The following VPS26B variants were observed in gnomAD, a reference collection of about 807,000 sequenced individuals.
VPS26B encodes the protein vacuolar protein sorting-associated protein 26B.
In VPS26B, 10 loss-of-function variants were observed where a neutral mutation model predicts 33.3. The ratio of observed to expected loss-of-function variants is 0.30; its 90% CI spans 0.19 to 0.51. VPS26B has a LOEUF of 0.51. Ranked by LOEUF, VPS26B falls within the 20% of genes least tolerant of loss-of-function variation. VPS26B has a pLI of 0.98. For synonymous variants in VPS26B, 190 were observed against 176.9 expected (o/e 1.07, Z -0.59); for missense variants, 317 against 452.7 (o/e 0.70, Z 2.72).
chr11:134,227,976 A>G lies in VPS26B; in HGVS notation c.223+2631A>G, dbSNP rs77782168. On this transcript the variant is annotated intron_variant, in intron 1 of 5. Coordinates refer to ENST00000281187, the MANE Select transcript of VPS26B (RefSeq NM_052875.5). Reference sequence around the variant, plus strand: ...GCCTTAAATTTCTTACTTTGGCCACATGGGCCAGTCTCAGTTGGTGTTGTA... The same window carrying G: ...GCCTTAAATTTCTTACTTTGGCCACGTGGGCCAGTCTCAGTTGGTGTTGTA... Among the ~76,000 whole-genome samples the G allele has an allele frequency of 6.7e-3, 1,019 of 152,346 alleles. 11 individuals are homozygous for G. Among genetic ancestry groups the G allele is most frequent in the African/African-American group, 0.023 (961 of 41,570 alleles).
chr11:134,237,517 T>G (rs1938649940), intron 2 of VPS26B, among the ~76,000 whole-genome samples: 1 of 152,148 alleles, frequency 6.6e-6, no homozygotes, highest in African/African-American at 2.4e-5. Context: ...GACCTGGCAC[T>G]AAGGACAGAG....
At chr11:134,226,237 C>T (rs1938467108) in intron 1 of VPS26B, among the ~76,000 whole-genome samples, 1 of 151,978 alleles carries the variant, frequency 6.6e-6, no homozygotes, top group African/African-American at 2.4e-5. Flanking sequence ...CTGCCTCTAC[C>T]CCCAAAAATT....
chr11:134,239,856 CTTA>C (rs1270554011), intron 2 of VPS26B, 132 bp from the exon 3 acceptor site: 15 of 942,248 alleles, frequency 1.6e-5, no homozygotes, highest in Non-Finnish European at 2.5e-5. Flanking sequence ...TCTGTAACTT[CTTA>C]AAAGGATACA....
chr11:134,235,115 T>G, intron 2 of VPS26B, 62 bp downstream of exon 2: 1 of 1,548,828 alleles, frequency 6.5e-7, no homozygotes, highest in Non-Finnish European at 8.8e-7. Context: ...GACAAGGACC[T>G]GAGGCCGTCC....
At chr11:134,235,212 T>A in intron 2 of VPS26B, 159 bp downstream of exon 2, 1 of 928,216 alleles carries the variant, frequency 1.1e-6, no homozygotes, top group Non-Finnish European at 1.6e-6. Context: ...GTGGGCCTTC[T>A]AGGAGGAAAG....
At chr11:134,238,618 C>T (rs1163962544) in intron 2 of VPS26B, among the ~76,000 whole-genome samples, 5 of 152,118 alleles carry the variant, frequency 3.3e-5, no homozygotes, top group Admixed American at 6.6e-5. Context: ...ATTTTTTAGA[C>T]GGAGTCTCGC....
chr11:134,240,252 TGCTTTG>T lies in VPS26B; in HGVS notation c.545+98_545+103del, dbSNP rs1247137089. On this transcript the variant is annotated intron_variant, in intron 3 of 5. Coordinates refer to ENST00000281187, the MANE Select transcript of VPS26B (RefSeq NM_052875.5). The surrounding 1 kb of genome is among the most constrained non-coding windows in gnomAD (Gnocchi z 4.4). ...AACTGATGACCCTCTGTGACTCGAC[TGCTTTG>T]TGGTGGCATGCGGTGGGGGAAGACC... 13 of 1,390,168 alleles carry T rather than the reference TGCTTTG, an allele frequency of 9.4e-6. No homozygotes were observed. The highest frequency in any genetic ancestry group is 1.0e-5 in the Non-Finnish European group (10 of 999,724). 86.1% of individuals were successfully genotyped at this position (1,390,168 alleles called of 1,614,324 possible). A position where few individuals can be genotyped will look rare whatever the true frequency, so the allele number is the denominator to read the frequency against.
At chr11:134,227,355 G>A (rs991510161) in intron 1 of VPS26B, among the ~76,000 whole-genome samples, 3 of 152,176 alleles carry the variant, frequency 2.0e-5, no homozygotes, top group South Asian at 2.1e-4. Context: ...ATAATAATTA[G>A]TGTTGGCAGG....
chr11:134,235,181 C>G (rs1938613353), intron 2 of VPS26B, 128 bp downstream of exon 2: 1 of 1,241,354 alleles, frequency 8.1e-7, no homozygotes, highest in Non-Finnish European at 1.1e-6. Flanking sequence ...CGAGCTGTGG[C>G]GTGCTGGTAA....
Position 134,240,778 on chromosome 11 carries a change from TGTGTGTGTGTGTGTCC to T in VPS26B, c.545+638_545+653del, listed in dbSNP as rs914252997. On this transcript the variant is annotated intron_variant, in intron 3 of 5. Coordinates refer to ENST00000281187, the MANE Select transcript of VPS26B (RefSeq NM_052875.5). The surrounding 1 kb of genome is among the most constrained non-coding windows in gnomAD (Gnocchi z 4.4). ...CACACCCAGCTAATTTGTGTCCGTG[TGTGTGTGTGTGTGTCC>T]GTGTGTGTGTGTGTGTGTGTGTGTG... is the stretch of plus-strand genomic sequence containing the variant. 1.7e-4 allele frequency among the ~76,000 whole-genome samples: 23 copies of T among 137,884 alleles called. No homozygotes were observed. The highest frequency in any genetic ancestry group is 2.5e-4 in the Non-Finnish European group (16 of 64,684). 90.5% of individuals were successfully genotyped at this position (137,884 alleles called of 152,430 possible).
At position 134,245,677 on chromosome 11, in the gene VPS26B, A is replaced by C; in HGVS notation, c.*87A>C. 6.9e-7 allele frequency: 1 copy of C among 1,455,204 alleles called. No homozygotes were observed. Among genetic ancestry groups the C allele is most frequent in the South Asian group, 1.3e-5 (1 of 77,824 alleles). The allele number at this position is 1,455,204 out of a possible 1,614,324, so 90.1% of individuals were successfully genotyped here. A position where few individuals can be genotyped will look rare whatever the true frequency, so the allele number is the denominator to read the frequency against. On this transcript the variant is annotated 3_prime_UTR_variant, in exon 6 of 6. Transcript: ENST00000281187. The surrounding 1 kb of genome is among the most constrained non-coding windows in gnomAD (Gnocchi z 4.7). The stretch of plus-strand genomic sequence containing the variant: ...GCTGGGGGCGGGGGCGGACCTTGTG[A>C]GGCTCAGTTGACCCGTTACTTGCAA...
At chr11:134,231,595 TGCTCTGTC>T (rs1938555989) in intron 1 of VPS26B, among the ~76,000 whole-genome samples, 2 of 151,732 alleles carry the variant, frequency 1.3e-5, no homozygotes, top group African/African-American at 4.8e-5. Context: ...GACGGAGTCT[TGCTCTGTC>T]GCCCAGGATA....
chr11:134,234,040 AG>A (rs1938597009), intron 1 of VPS26B, among the ~76,000 whole-genome samples: 2 of 152,202 alleles, frequency 1.3e-5, no homozygotes, highest in Non-Finnish European at 2.9e-5. Context: ...GCCAGTTCTC[AG>A]GCCCCATCCC....
At chr11:134,233,575 A>G (rs1008496182) in intron 1 of VPS26B, among the ~76,000 whole-genome samples, 2 of 152,144 alleles carry the variant, frequency 1.3e-5, no homozygotes, top group African/African-American at 4.8e-5. Flanking sequence ...TACAAAAACA[A>G]TTAGCTGGGC....
intron 3 of VPS26B, among the ~76,000 whole-genome samples, chr11:134,241,214 A>G (rs940219952): frequency 6.6e-6 from 1 of 152,128 alleles, no homozygotes; most frequent in Non-Finnish European, 1.5e-5. Context: ...TCTAAGTAGG[A>G]TTTTCATTGT....
chr11:134,231,184 A>G (rs568620003), intron 1 of VPS26B, among the ~76,000 whole-genome samples: 27 of 152,270 alleles, frequency 1.8e-4, no homozygotes, highest in Non-Finnish European at 3.1e-4. Flanking sequence ...GAGGGCAGAC[A>G]GGAACATCCC....
At chr11:134,228,755 G>T (rs1938514964) in intron 1 of VPS26B, among the ~76,000 whole-genome samples, 1 of 152,210 alleles carries the variant, frequency 6.6e-6, no homozygotes, top group African/African-American at 2.4e-5. Context: ...CTGAGCTTGG[G>T]GCACCAGAGC....
chr11:134,238,796 T>C (rs962312714), intron 2 of VPS26B, among the ~76,000 whole-genome samples: 184 of 151,728 alleles, frequency 1.2e-3, no homozygotes, highest in African/African-American at 3.3e-3. Flanking sequence ...GGGGTTTCAC[T>C]GTGTTAGCCA....
At position 134,247,713 on chromosome 11, in the gene VPS26B, GA is replaced by G. The variant is rs1938862845; in HGVS notation, c.*2125del. The G allele has an allele frequency of 6.5e-6, 1 of 154,378 alleles. No individual in the cohort carries two copies. The highest frequency in any genetic ancestry group is 2.4e-5 in the African/African-American group (1 of 41,466). 9.6% of individuals were successfully genotyped at this position (154,378 alleles called of 1,614,324 possible). ...CATCTTTTCAATGGCTGTATTAAAAGAAGAACGTTTGTTTTAATGGTCTTTC... is the reference window on the plus strand; with the variant it reads ...CATCTTTTCAATGGCTGTATTAAAAGAGAACGTTTGTTTTAATGGTCTTTC... On this transcript the variant is annotated 3_prime_UTR_variant, in exon 6 of 6. Transcript: ENST00000281187.
Sources: gnomAD v4.1 joint callset for allele counts (sites outside exome capture counted in the v4.1 genomes callset) on GRCh38, gnomAD v4.1.1 for gene constraint, Gnocchi (gnomAD v3.1) non-coding constraint, MANE v1.5 for transcripts, NCBI Gene and HGNC (gene_info 2026-07-23, HGNC 2026-07-21) for gene names.